Variants in SLC35F2 observed in about 807,000 individuals in gnomAD.
SLC35F2 encodes the protein solute carrier family 35 member F2.
Under a neutral mutation model 38.1 loss-of-function variants are expected in SLC35F2, and 25 were observed. The observed-to-expected ratio is 0.66, with a 90% CI of 0.48 to 0.92. The LOEUF is 0.92. Among genes scored for constraint, SLC35F2 ranks in the 40% least tolerant of loss-of-function variants. The pLI is 0.00. For missense variants in SLC35F2, 409 were observed against 452.9 expected, an observed-to-expected ratio of 0.90 and a Z score of 0.88; for synonymous variants, 173 against 181.7, an observed-to-expected ratio of 0.95 and a Z score of 0.38.
intron 1 of SLC35F2, among the ~76,000 whole-genome samples, chr11:107,844,843 G>A (rs4753819): frequency 0.42 from 63,679 of 150,446 alleles, 13,555 homozygotes; most frequent in Admixed American, 0.53. Flanking sequence ...AGGCGTGGTG[G>A]CGGGCACCTG....
At chr11:107,794,083 CTT>C (rs10664346) in intron 7 of SLC35F2, among the ~76,000 whole-genome samples, 109 of 137,928 alleles carry the variant, frequency 7.9e-4, no homozygotes, top group Non-Finnish European at 8.4e-4. Flanking sequence ...TGTATTTTTT[CTT>C]TTTTTTTTTT....
intron 7 of SLC35F2, among the ~76,000 whole-genome samples, chr11:107,798,914 A>G (rs1302916322): frequency 2.6e-5 from 4 of 152,124 alleles, no homozygotes; most frequent in Non-Finnish European, 4.4e-5. Flanking sequence ...CGTCTCTACT[A>G]AAAATACACA....
rs529444897 is a variant in SLC35F2 at position 107,821,308 on chromosome 11, C to A, written c.111-5343G>T. On this transcript the variant is annotated intron_variant, in intron 1 of 7. Transcript: ENST00000525815. ...ATAGCACAATTAAGCAAGCTGTCCT[C>A]CAACTATAAAGTAAAACTATCTTCT... 3.4e-4 allele frequency: 255 copies of A among 752,756 alleles called. 4 individuals are homozygous for A. In the South Asian group the frequency reaches 0.014, roughly 41 times the overall value. 46.6% of individuals were successfully genotyped at this position (752,756 alleles called of 1,614,324 possible).
At chr11:107,849,650 A>G (rs1418548217) in intron 1 of SLC35F2, among the ~76,000 whole-genome samples, 1 of 151,880 alleles carries the variant, frequency 6.6e-6, no homozygotes, top group Non-Finnish European at 1.5e-5. Flanking sequence ...GGAAAAAAAA[A>G]AAAAAAAAAA....
At chr11:107,830,457 G>A (rs140681348) in intron 1 of SLC35F2, among the ~76,000 whole-genome samples, 2,675 of 151,878 alleles carry the variant, frequency 0.018, 79 homozygotes, top group African/African-American at 0.061. Flanking sequence ...GGTGGTGGAT[G>A]CCTGTAGTCC....
intron 1 of SLC35F2, among the ~76,000 whole-genome samples, chr11:107,854,260 T>G (rs557282227): frequency 7.5e-6 from 1 of 132,934 alleles, no homozygotes; most frequent in Non-Finnish European, 1.6e-5. Flanking sequence ...GGTGAAACCC[T>G]GTCTCTACGG....
chr11:107,810,393 T>A (rs963217072), intron 3 of SLC35F2: 2 of 985,072 alleles, frequency 2.0e-6, no homozygotes, highest in African/African-American at 3.5e-5. Flanking sequence ...AAACTTTTTA[T>A]CATTAGTTAG....
intron 1 of SLC35F2, among the ~76,000 whole-genome samples, chr11:107,843,563 A>C (rs1262891449): frequency 6.8e-6 from 1 of 146,834 alleles, no homozygotes; most frequent in Middle Eastern, 3.9e-3. Context: ...AAAAAAAAAA[A>C]AATTAATTGA....
At chr11:107,844,810 T>C (rs568933552) in intron 1 of SLC35F2, among the ~76,000 whole-genome samples, 14 of 151,024 alleles carry the variant, frequency 9.3e-5, no homozygotes, top group South Asian at 8.4e-4. Context: ...CCATCTCTAC[T>C]AAAAATACAA....
chr11:107,843,804 C>T (rs1190443321), intron 1 of SLC35F2, among the ~76,000 whole-genome samples: 5 of 137,330 alleles, frequency 3.6e-5, no homozygotes, highest in African/African-American at 5.5e-5. Flanking sequence ...ATGATCACAC[C>T]ATGGCACTCT....
At chr11:107,798,060 G>A (rs552377637) in intron 7 of SLC35F2, among the ~76,000 whole-genome samples, 3 of 152,092 alleles carry the variant, frequency 2.0e-5, no homozygotes, top group Admixed American at 6.5e-5. Flanking sequence ...CTGGAGTGCA[G>A]TGGTGCAGTC....
intron 1 of SLC35F2, among the ~76,000 whole-genome samples, chr11:107,827,650 GA>G (rs1859774833): frequency 2.0e-5 from 3 of 152,040 alleles, no homozygotes; most frequent in African/African-American, 7.2e-5. Flanking sequence ...TCGGAAGGCT[GA>G]GGCAAGAGAA....
intron 1 of SLC35F2, among the ~76,000 whole-genome samples, chr11:107,851,930 C>A (rs532072471): frequency 6.6e-6 from 1 of 152,288 alleles, no homozygotes; most frequent in Non-Finnish European, 1.5e-5. Context: ...GGGATACATA[C>A]CAGCTTGGGA....
intron 1 of SLC35F2, among the ~76,000 whole-genome samples, chr11:107,849,697 C>G (rs1377840865): frequency 6.8e-6 from 1 of 148,080 alleles, no homozygotes; most frequent in Non-Finnish European, 1.5e-5. Context: ...GACTCTAGGA[C>G]TATTCTGGAA....
At chr11:107,795,777 C>T (rs1243642774) in intron 7 of SLC35F2, among the ~76,000 whole-genome samples, 2 of 152,176 alleles carry the variant, frequency 1.3e-5, no homozygotes, top group African/African-American at 4.8e-5. Context: ...TATCATCTTA[C>T]CTCAGTTAGA....
At chr11:107,843,387 G>A (rs534805023) in intron 1 of SLC35F2, among the ~76,000 whole-genome samples, 17 of 150,620 alleles carry the variant, frequency 1.1e-4, no homozygotes, top group Middle Eastern at 3.6e-3. Flanking sequence ...GACCAACATG[G>A]AGAAACCCCA....
Position 107,803,064 on chromosome 11 carries a change from G to A in SLC35F2, c.876C>T (p.Asn292=). Residue 292 remains asparagine (N), a synonymous_variant, in exon 7 of 8, where the codon AAC becomes AAT. Transcript: ENST00000525815. ...AGAGGTCCGCTGTCAGGATGCCCAG[G>A]TTGACGGAAGTGGCACTAGTGACTT... The part of the protein sequence containing the change: ...VIKVTSATSV[N]LGILTADLYS... 2 of 1,614,060 alleles carry A rather than the reference G, an allele frequency of 1.2e-6. No individual in the cohort carries two copies. Among genetic ancestry groups the A allele is most frequent in the Non-Finnish European group, 1.7e-6 (2 of 1,179,986 alleles).
chr11:107,818,055 TCAAAA>T (rs1202505476), intron 1 of SLC35F2, among the ~76,000 whole-genome samples: 1 of 22,434 alleles, frequency 4.5e-5, no homozygotes, highest in Non-Finnish European at 7.5e-5. Flanking sequence ...AGACTCTGTC[TCAAAA>T]AAAAAAAAAA....
At chr11:107,821,577 T>C (rs1859674214) in intron 1 of SLC35F2, 1 of 985,354 alleles carries the variant, frequency 1.0e-6, no homozygotes, top group African/African-American at 1.7e-5. Context: ...CTTTCATGTT[T>C]GTATAAATTT....
Sources: allele counts gnomAD v4.1 joint callset (sites outside exome capture counted in the v4.1 genomes callset), GRCh38; gene constraint gnomAD v4.1.1; transcripts MANE v1.5; gene names NCBI Gene and HGNC (gene_info 2026-07-23, HGNC 2026-07-21).